Variants in QRSL1 observed in about 807,000 individuals in gnomAD.
The protein encoded by QRSL1 is glutaminyl-tRNA amidotransferase subunit QRSL1.
A neutral mutation model predicts 61.6 loss-of-function variants in QRSL1; 54 were observed. That is an observed-to-expected ratio of 0.88 (90% CI 0.70 to 1.10). The LOEUF is 1.10. QRSL1 is among the 50% of genes least tolerant of loss of function. The pLI, the probability that QRSL1 is intolerant of heterozygous loss-of-function variation, is 0.00. For synonymous variants in QRSL1, 228 were observed against 225.7 expected (o/e 1.01, Z -0.09); for missense variants, 505 against 622.6 (o/e 0.81, Z 2.01).
chr6:106,662,856 C>T, intron 9 of QRSL1, 124 bp from the exon 10 acceptor site: 1 of 877,572 alleles, frequency 1.1e-6, no homozygotes. Flanking sequence ...CACAGGCAAG[C>T]CAAACTTTTT....
intron 1 of QRSL1, chr6:106,640,034 C>T (rs1776992502): frequency 4.8e-6 from 1 of 210,078 alleles, no homozygotes; most frequent in African/African-American, 2.3e-5. Context: ...CCATCCTTCA[C>T]CCATGCTGGG....
At chr6:106,665,026 A>C (rs1192152466) in intron 10 of QRSL1, among the ~76,000 whole-genome samples, 1 of 152,000 alleles carries the variant, frequency 6.6e-6, no homozygotes, top group Non-Finnish European at 1.5e-5. Flanking sequence ...TTTTTTCTTT[A>C]ATTCAATGTA....
At chr6:106,649,857 G>A (rs1467797414) in intron 5 of QRSL1, among the ~76,000 whole-genome samples, 1 of 152,064 alleles carries the variant, frequency 6.6e-6, no homozygotes, top group Non-Finnish European at 1.5e-5. Context: ...AAGTAAATAT[G>A]GCTGTTGCTG....
chr6:106,640,747 A>T, intron 2 of QRSL1, 76 bp from the exon 3 acceptor site: 1 of 1,273,542 alleles, frequency 7.9e-7, no homozygotes, highest in Non-Finnish European at 1.1e-6. Flanking sequence ...ACTAGTAGTT[A>T]CTGTAATAAC....
chr6:106,656,172 C>A (rs1025865063), intron 9 of QRSL1, among the ~76,000 whole-genome samples: 2 of 152,132 alleles, frequency 1.3e-5, no homozygotes, highest in African/African-American at 4.8e-5. Flanking sequence ...AATACTACAC[C>A]ATTTTATATG....
chr6:106,652,401 A>AT lies in QRSL1; in HGVS notation c.733+18dup. 1 of 1,613,690 alleles carries AT rather than the reference A, an allele frequency of 6.2e-7. No homozygotes were observed. The highest frequency in any genetic ancestry group is 8.5e-7 in the Non-Finnish European group (1 of 1,179,738). On this transcript the variant is annotated intron_variant, in intron 6 of 10. Transcript: ENST00000369046. ...TTGTGTTGGGTATTTATATAATTCT[A>AT]TATCATTTGCAACAGCTTCTCTATA...
chr6:106,652,231 G>T lies in QRSL1; in HGVS notation c.580G>T (p.Gly194Ter), dbSNP rs1777196550. The T allele has an allele frequency of 6.2e-7, 1 of 1,613,882 alleles. No homozygotes were observed. Among genetic ancestry groups the T allele is most frequent in the Non-Finnish European group, 8.5e-7 (1 of 1,179,922 alleles). ...CAGGGCTTTAGGATCAGATACAGGA[G>T]GATCGACCAGAAATCCTGCTGCCCA... is the stretch of plus-strand genomic sequence containing the variant. Reference protein sequence around the residue: ...CYAALGSDTGGSTRNPAAHCG... With the variant: ...CYAALGSDTG Residue 194 changes from glycine to a stop codon, truncating the protein, a stop_gained, in exon 6 of 11, where the codon GGA becomes TGA. Coordinates refer to ENST00000369046, the MANE Select transcript of QRSL1 (RefSeq NM_018292.5). LOFTEE classifies it high-confidence loss of function.
chr6:106,641,649 A>C (rs564968491), intron 3 of QRSL1, among the ~76,000 whole-genome samples: 11 of 152,356 alleles, frequency 7.2e-5, no homozygotes, highest in Middle Eastern at 3.4e-3. Flanking sequence ...TCTAATATGC[A>C]GACTGTTGTT....
chr6:106,654,742 C>T lies in QRSL1; in HGVS notation c.862C>T (p.Pro288Ser). 1.9e-6 allele frequency: 3 copies of T among 1,609,290 alleles called. No homozygotes were observed. Among genetic ancestry groups the T allele is most frequent in the Non-Finnish European group, 2.5e-6 (3 of 1,179,070 alleles). ...TTTTTGCTATAAGGAATATCTTGTA[C>T]CGGAATTATCAAGTGAAGTACAGTC... ...CIGIPKEYLV[P>S]ELSSEVQSLW... is the part of the protein sequence containing the mutation. The change falls in exon 8 of 11, where the codon CCG (proline) becomes TCG (serine). Residue 288 changes from proline to serine, a missense_variant. Pro to Ser is a moderately conservative substitution (Grantham distance 74). Transcript: ENST00000369046.
Position 106,667,699 on chromosome 6 carries a change from C to T in QRSL1, c.*1697C>T, listed in dbSNP as rs1222077777. 6.6e-6 allele frequency: 1 copy of T among 152,122 alleles called. No individual in the cohort carries two copies. Among genetic ancestry groups the T allele is most frequent in the African/African-American group, 2.4e-5 (1 of 41,420 alleles). 9.4% of individuals were successfully genotyped at this position (152,122 alleles called of 1,614,324 possible). On this transcript the variant is annotated 3_prime_UTR_variant, in exon 11 of 11. Coordinates refer to ENST00000369046, the MANE Select transcript of QRSL1 (RefSeq NM_018292.5). The stretch of plus-strand genomic sequence containing the variant: ...GCTCCCAAATACTCAACCTGATTAA[C>T]TTCACATAAAAGTCTTATGTGCCAG...
In QRSL1 at chr6:106,665,613, A is replaced by G. The variant is rs575411719; in HGVS notation, c.1367-169A>G. ...ACTGATACAGAATGATTTCCAAGAT[A>G]TATTGTTAAGTAAACAAAACATAGT... On this transcript the variant is annotated intron_variant, in intron 10 of 10. Transcript: ENST00000369046. 5.1e-4 allele frequency among the ~76,000 whole-genome samples: 78 copies of G among 152,392 alleles called. 1 individual carries two copies. The highest frequency in any genetic ancestry group is 1.8e-3 in the African/African-American group (75 of 41,598).
chr6:106,634,069 G>A (rs1317148799), intron 1 of QRSL1, among the ~76,000 whole-genome samples: 1 of 152,120 alleles, frequency 6.6e-6, no homozygotes, highest in Admixed American at 6.5e-5. Flanking sequence ...GAGTGGTCAG[G>A]GAAGATTTCT....
chr6:106,639,765 T>C (rs3804343), intron 1 of QRSL1, among the ~76,000 whole-genome samples: 12,605 of 152,190 alleles, frequency 0.083, 718 homozygotes, highest in East Asian at 0.28. Flanking sequence ...TTTAACTCCT[T>C]CTTTACCAGC....
chr6:106,655,557 C>A, intron 8 of QRSL1, 58 bp from the exon 9 acceptor site: 1 of 1,170,574 alleles, frequency 8.5e-7, no homozygotes, highest in Non-Finnish European at 1.3e-6. Context: ...TGATTTTAGC[C>A]AAAACTTTAC....
rs748326430 is a variant in QRSL1, at chr6:106,629,632, C to CTTT, written c.-47_-45dup. ...TAACATCACTAGCGACCGGTGACCT[C>CTTT]TTTTTCCCCCTTGCCTGGCTCCTGT... On this transcript the variant is annotated 5_prime_UTR_variant, in exon 1 of 11. Transcript: ENST00000369046. The CTTT allele has an allele frequency of 3.2e-6, 5 of 1,577,348 alleles. No individual in the cohort carries two copies. The highest frequency in any genetic ancestry group is 3.4e-6 in the Non-Finnish European group (4 of 1,162,262).
At chr6:106,630,031 G>T (rs1776785129) in intron 1 of QRSL1, among the ~76,000 whole-genome samples, 1 of 152,202 alleles carries the variant, frequency 6.6e-6, no homozygotes, top group Non-Finnish European at 1.5e-5. Flanking sequence ...GGCCACTTCA[G>T]TCTCTCTTCT....
rs1190374757 is a variant in QRSL1, at chr6:106,667,406, A to ATGTG, written c.*1405_*1406insGTGT. ...ATCCATTTACTCATGATAAGGCTTC[A>ATGTG]TCACTGGATTTCTGTGTCTTCACTA... is the stretch of plus-strand genomic sequence containing the variant. On this transcript the variant is annotated 3_prime_UTR_variant, in exon 11 of 11. Transcript: ENST00000369046. 2 of 152,250 alleles carry ATGTG rather than the reference A, an allele frequency of 1.3e-5. No homozygotes were observed. Among genetic ancestry groups the ATGTG allele is most frequent in the East Asian group, 3.8e-4 (2 of 5,206 alleles). The allele number at this position is 152,250 out of a possible 1,614,324, so 9.4% of individuals were successfully genotyped here.
chr6:106,630,468 A>G (rs192089900), intron 1 of QRSL1, among the ~76,000 whole-genome samples: 93 of 152,284 alleles, frequency 6.1e-4, no homozygotes, highest in Non-Finnish European at 8.1e-4. Flanking sequence ...TCTTCATTCT[A>G]TCTTGCAGAT....
At chr6:106,639,218 C>G (rs1006722496) in intron 1 of QRSL1, among the ~76,000 whole-genome samples, 1 of 150,692 alleles carries the variant, frequency 6.6e-6, no homozygotes. Context: ...CTCCGCCTCC[C>G]AGGTTCAAGT....
Sources: gnomAD v4.1 joint callset for allele counts (sites outside exome capture counted in the v4.1 genomes callset) on GRCh38, gnomAD v4.1.1 for gene constraint, MANE v1.5 for transcripts, NCBI Gene and HGNC (gene_info 2026-07-23, HGNC 2026-07-21) for gene names.